EPS15: variants seen among roughly 807,000 people sequenced by gnomAD.
EPS15 encodes epidermal growth factor receptor substrate 15.
A neutral mutation model predicts 113.8 loss-of-function variants in EPS15; 72 were observed. The observed-to-expected ratio is 0.63, with a 90% CI of 0.52 to 0.77. EPS15 has a LOEUF of 0.77. EPS15 is among the 30% of genes least tolerant of loss of function. The pLI is 0.00. For synonymous variants in EPS15, 344 were observed against 363.4 expected, an observed-to-expected ratio of 0.95 and a Z score of 0.61; for missense variants, 1,048 against 1,045.8, an observed-to-expected ratio of 1.00 and a Z score of -0.03.
intron 13 of EPS15, among the ~76,000 whole-genome samples, chr1:51,415,796 C>CAAAAAAAAAAAAAAAAAAAAAAAAAA (rs55806131): frequency 9.1e-5 from 2 of 21,928 alleles, no homozygotes; most frequent in African/African-American, 1.7e-4. Flanking sequence ...AACTCCGTCT[C>CAAAAAAAAAAAAAAAAAAAAAAAAAA]AAAAAAAAAA....
chr1:51,408,785 G>A (rs369966383), intron 14 of EPS15, among the ~76,000 whole-genome samples: 4 of 147,484 alleles, frequency 2.7e-5, no homozygotes, highest in East Asian at 4.0e-4. Flanking sequence ...GGGCCACCAC[G>A]CCTGGCTTTC....
chr1:51,369,719 A>C (rs780712279), intron 21 of EPS15, among the ~76,000 whole-genome samples: 1 of 152,138 alleles, frequency 6.6e-6, no homozygotes, highest in Non-Finnish European at 1.5e-5. Context: ...CATTTTAGGT[A>C]TATCACTTTT....
intron 14 of EPS15, among the ~76,000 whole-genome samples, chr1:51,409,214 G>A (rs1156323657): frequency 6.6e-6 from 1 of 152,090 alleles, no homozygotes; most frequent in Non-Finnish European, 1.5e-5. Flanking sequence ...GAGCCACTGT[G>A]CCCAGCCAAT....
chr1:51,493,573 T>A (rs1244461782), intron 1 of EPS15, among the ~76,000 whole-genome samples: 4 of 143,114 alleles, frequency 2.8e-5, no homozygotes, highest in African/African-American at 1.1e-4. Context: ...AATAAATAAA[T>A]AAATAAAAAT....
At chr1:51,468,701 T>A in intron 4 of EPS15, 133 bp from the exon 5 acceptor site, 1 of 621,006 alleles carries the variant, frequency 1.6e-6, no homozygotes, top group Non-Finnish European at 2.8e-6. Flanking sequence ...ACAAGTAGCA[T>A]ATTTGCTTCA....
chr1:51,464,585 A>G (rs999641916), intron 6 of EPS15, among the ~76,000 whole-genome samples: 1 of 152,140 alleles, frequency 6.6e-6, no homozygotes, highest in Non-Finnish European at 1.5e-5. Flanking sequence ...AGATTTCTCC[A>G]TTTTTCCCAA....
intron 12 of EPS15, among the ~76,000 whole-genome samples, chr1:51,422,716 T>TGCACACGCAC (rs1249901842): frequency 6.6e-6 from 1 of 152,240 alleles, no homozygotes. Context: ...AAATCATGCG[T>TGCACACGCAC]GCACACGCAC....
intron 8 of EPS15, among the ~76,000 whole-genome samples, chr1:51,449,757 G>A (rs949259742): frequency 6.6e-6 from 1 of 151,634 alleles, no homozygotes; most frequent in African/African-American, 2.4e-5. Flanking sequence ...TGGGGAAGGG[G>A]TGGGGGTGGC....
intron 1 of EPS15, among the ~76,000 whole-genome samples, chr1:51,508,303 A>T (rs1349636276): frequency 7.8e-6 from 1 of 128,248 alleles, no homozygotes; most frequent in Admixed American, 7.5e-5. Flanking sequence ...AGAGAGAGAG[A>T]AAGAGAGAAA....
At position 51,408,219 on chromosome 1, in the gene EPS15, T is replaced by C. The variant is rs758474151; in HGVS notation, c.1389A>G (p.Glu463=). 2.6e-5 allele frequency: 42 copies of C among 1,614,130 alleles called. No homozygotes were observed. Among genetic ancestry groups the C allele is most frequent in the Non-Finnish European group, 3.5e-5 (41 of 1,179,958 alleles). ...TCCCTGACTCTACACTCTCCTCCAA[T>C]TCTGCTGTTTCTTGCTGTAGACGGC... ...ELSRLQQETA[E]LEESVESGKA... Residue 463 remains glutamate, a synonymous_variant, in exon 15 of 25, where the codon GAA becomes GAG. Coordinates refer to ENST00000371733, the MANE Select transcript of EPS15 (RefSeq NM_001981.3).
chr1:51,458,312 A>T (rs1030025748), intron 8 of EPS15: 6 of 139,122 alleles, frequency 4.3e-5, no homozygotes, highest in African/African-American at 1.6e-4. Flanking sequence ...CTTTTTATTA[A>T]AAAAAAAAAA....
chr1:51,491,838 C>T (rs1250517849), intron 1 of EPS15, among the ~76,000 whole-genome samples: 3 of 150,238 alleles, frequency 2.0e-5, no homozygotes. Context: ...TTCCTCAGCT[C>T]TGTAATTCCC....
chr1:51,485,723 T>C (rs577766434), intron 1 of EPS15, among the ~76,000 whole-genome samples: 2 of 152,284 alleles, frequency 1.3e-5, no homozygotes, highest in South Asian at 2.1e-4. Context: ...ACAAATTAAA[T>C]GAGAGTTCAA....
At chr1:51,478,777 A>G (rs1643963949) in intron 2 of EPS15, among the ~76,000 whole-genome samples, 2 of 152,214 alleles carry the variant, frequency 1.3e-5, no homozygotes, top group African/African-American at 4.8e-5. Flanking sequence ...AATGTTGAAC[A>G]TTGGCCCCCA....
chr1:51,487,915 T>A lies in EPS15; in HGVS notation c.34-6601A>T, dbSNP rs544624292. On this transcript the variant is annotated intron_variant, in intron 1 of 24. Coordinates refer to ENST00000371733, the MANE Select transcript of EPS15 (RefSeq NM_001981.3). ...GTAAAATTGGCTTTTGTTGTTATTG[T>A]CGGACTATGAACATGATCACTTTTT... Among the ~76,000 whole-genome samples, 11 of 152,192 alleles carry A rather than the reference T, an allele frequency of 7.2e-5. No homozygotes were observed. The South Asian group carries it at 2.3e-3, about 32-fold the overall frequency.
rs573112247 is a variant in EPS15, at chr1:51,372,564, A to G, written c.2120-6535T>C. The G allele has an allele frequency of 1.6e-4, 82 of 526,004 alleles. 1 individual carries two copies. Among genetic ancestry groups the G allele is most frequent in the South Asian group, 1.1e-3 (81 of 72,134 alleles). 32.6% of individuals were successfully genotyped at this position (526,004 alleles called of 1,614,324 possible). A position where few individuals can be genotyped will look rare whatever the true frequency, so the allele number is the denominator to read the frequency against. ...TGGTACCACACAGGCCCTAAACTAC[A>G]CAAGAGTAACATTGCCATCAATGAA... On this transcript the variant is annotated intron_variant, in intron 21 of 24. Coordinates refer to ENST00000371733, the MANE Select transcript of EPS15 (RefSeq NM_001981.3).
intron 1 of EPS15, among the ~76,000 whole-genome samples, chr1:51,499,511 T>C (rs945161481): frequency 2.6e-5 from 4 of 152,148 alleles, no homozygotes; most frequent in African/African-American, 9.7e-5. Context: ...TGCTGAACCA[T>C]TTATTTTGAA....
chr1:51,465,271 C>T lies in EPS15; in HGVS notation c.365G>A (p.Trp122Ter). ...ISGTSAAELP[W>*]AVKPEDKAKY... is the part of the protein sequence containing the mutation. ...ACAAAGTTTACTTACTTTTACAGCCCATGGGAGCTCAGCTGCAGAGGTTCC... is the reference window on the plus strand; with the variant it reads ...ACAAAGTTTACTTACTTTTACAGCCTATGGGAGCTCAGCTGCAGAGGTTCC... Residue 122 changes from tryptophan (W) to a stop codon, truncating the protein, a stop_gained, in exon 6 of 25, where the codon TGG (tryptophan) becomes TAG (stop). Transcript: ENST00000371733. LOFTEE classifies it high-confidence loss of function. The T allele has an allele frequency of 6.2e-7, 1 of 1,607,378 alleles. No individual in the cohort carries two copies. Among genetic ancestry groups the T allele is most frequent in the Non-Finnish European group, 8.5e-7 (1 of 1,175,188 alleles).
At chr1:51,450,247 G>T (rs373460820) in intron 8 of EPS15, among the ~76,000 whole-genome samples, 1 of 151,690 alleles carries the variant, frequency 6.6e-6, no homozygotes, top group Non-Finnish European at 1.5e-5. Flanking sequence ...CACTGGGGGG[G>T]GCTGTATTTT....
Sources: allele counts gnomAD v4.1 joint callset (sites outside exome capture counted in the v4.1 genomes callset), GRCh38; gene constraint gnomAD v4.1.1; transcripts MANE v1.5; gene names NCBI Gene and HGNC (gene_info 2026-07-23, HGNC 2026-07-21).